Variants in SLC25A33 observed in about 807,000 individuals in gnomAD.
The protein encoded by SLC25A33 is bone marrow stromal cell mitochondrial carrier protein.
In SLC25A33, 15 loss-of-function variants were observed where a neutral mutation model predicts 35.5. The ratio of observed to expected loss-of-function variants is 0.42; its 90% CI spans 0.28 to 0.65. The LOEUF is 0.65. Among genes scored for constraint, SLC25A33 ranks in the 30% least tolerant of loss-of-function variants. SLC25A33 has a pLI of 0.20. For missense variants in SLC25A33, 257 were observed against 398.5 expected, an observed-to-expected ratio of 0.64 and a Z score of 3.02; for synonymous variants, 136 against 148.7, an observed-to-expected ratio of 0.91 and a Z score of 0.62.
At chr1:9,579,811 GA>G in intron 5 of SLC25A33, 142 bp from the exon 6 acceptor site, 1 of 1,005,996 alleles carries the variant, frequency 9.9e-7, no homozygotes, top group Non-Finnish European at 1.4e-6. Flanking sequence ...CATAACGAAA[GA>G]CAAGGGCTAT....
chr1:9,542,733 C>A (rs1643104733), intron 1 of SLC25A33, among the ~76,000 whole-genome samples: 1 of 152,174 alleles, frequency 6.6e-6, no homozygotes, highest in African/African-American at 2.4e-5. Context: ...TATTGCATAG[C>A]CATTGGAAAC....
intron 1 of SLC25A33, among the ~76,000 whole-genome samples, chr1:9,551,028 A>G (rs1569847370): frequency 6.6e-6 from 1 of 152,110 alleles, no homozygotes. Flanking sequence ...TTCTTTAGAT[A>G]TATTCTAGTG....
chr1:9,552,579 T>G (rs1211316832), intron 1 of SLC25A33, among the ~76,000 whole-genome samples: 5 of 152,118 alleles, frequency 3.3e-5, no homozygotes, highest in African/African-American at 1.2e-4. Flanking sequence ...GGAGTAAATA[T>G]TGATTTTCAA....
At chr1:9,567,477 T>A in intron 3 of SLC25A33, 116 bp downstream of exon 3, 1 of 901,894 alleles carries the variant, frequency 1.1e-6, no homozygotes, top group Non-Finnish European at 1.7e-6. Flanking sequence ...TGGATTTGCC[T>A]AAATATAGCG....
chr1:9,573,837 G>C (rs756559443), intron 5 of SLC25A33, among the ~76,000 whole-genome samples: 2 of 152,158 alleles, frequency 1.3e-5, no homozygotes, highest in African/African-American at 2.4e-5. Context: ...AAGGCCCTCA[G>C]CTGTAATAGG....
At chr1:9,545,832 G>A (rs549422959) in intron 1 of SLC25A33, among the ~76,000 whole-genome samples, 37 of 151,768 alleles carry the variant, frequency 2.4e-4, no homozygotes, top group Middle Eastern at 3.4e-3. Flanking sequence ...GCATGGTGGC[G>A]CAGGCCTGTA....
Position 9,539,771 on chromosome 1 carries a change from C to T in SLC25A33, c.56+24C>T, listed in dbSNP as rs1001159370. On this transcript the variant is annotated intron_variant, in intron 1 of 6. Transcript: ENST00000302692. The stretch of plus-strand genomic sequence containing the variant: ...GGGTGAGTTCCCGGGCCCAGCCGCG[C>T]GCGCCCCACCGCCTGCGGTCCCCTC... 8 of 1,352,296 alleles carry T rather than the reference C, an allele frequency of 5.9e-6. No individual in the cohort carries two copies. In the Middle Eastern group the frequency reaches 8.2e-4, roughly 139 times the overall value. 83.8% of individuals were successfully genotyped at this position (1,352,296 alleles called of 1,614,324 possible). A position where few individuals can be genotyped will look rare whatever the true frequency, so the allele number is the denominator to read the frequency against.
At chr1:9,570,653 G>T (rs192449460) in intron 4 of SLC25A33, among the ~76,000 whole-genome samples, 193 of 148,082 alleles carry the variant, frequency 1.3e-3, no homozygotes, top group African/African-American at 4.7e-3. Flanking sequence ...TCTTCTGTTT[G>T]CCCATCAAAT....
chr1:9,579,225 G>A (rs1466196624), intron 5 of SLC25A33, among the ~76,000 whole-genome samples: 25 of 152,166 alleles, frequency 1.6e-4, no homozygotes, highest in Admixed American at 1.6e-3. Flanking sequence ...ACACCAAACA[G>A]CGGACACCAG....
intron 4 of SLC25A33, among the ~76,000 whole-genome samples, chr1:9,572,350 G>A (rs903184998): frequency 3.3e-5 from 5 of 152,136 alleles, no homozygotes; most frequent in South Asian, 2.1e-4. Context: ...GGTGGCTCAC[G>A]CCTGTAATCC....
intron 2 of SLC25A33, among the ~76,000 whole-genome samples, chr1:9,559,092 T>G (rs1025878299): frequency 4.6e-5 from 7 of 152,240 alleles, no homozygotes; most frequent in Non-Finnish European, 2.9e-5. Flanking sequence ...TGACGTCCGC[T>G]GTCATCACCT....
Position 9,582,501 on chromosome 1 carries a change from A to T in SLC25A33, c.966A>T (p.Ter322TyrextTer25). Residue 322 changes from the stop codon to tyrosine, a stop_lost, in exon 7 of 7, where the codon TAA (stop) becomes TAT (tyrosine). Transcript: ENST00000302692. The surrounding 1 kb of genome is among the most constrained non-coding windows in gnomAD (Gnocchi z 4.0). ...IVYLLEDRTQ[*>Y] ...ACCTGTTAGAAGACCGTACTCAGTA[A>T]CAGGCCGGAAAATTGTGCTCTAGAA... 6.2e-7 allele frequency: 1 copy of T among 1,609,414 alleles called. No individual in the cohort carries two copies. Among genetic ancestry groups the T allele is most frequent in the Non-Finnish European group, 8.5e-7 (1 of 1,177,008 alleles).
intron 2 of SLC25A33, chr1:9,556,352 C>G: frequency 1.5e-6 from 1 of 675,822 alleles, no homozygotes; most frequent in Non-Finnish European, 1.8e-6. Context: ...GAACTGTTAC[C>G]CAAAAGTGTG....
chr1:9,570,195 C>A, intron 3 of SLC25A33, 63 bp from the exon 4 acceptor site: 1 of 1,442,420 alleles, frequency 6.9e-7, no homozygotes, highest in Non-Finnish European at 9.6e-7. Context: ...TTCAGGTGTT[C>A]TGGAGGGACG....
chr1:9,582,610 A>C lies in SLC25A33; in HGVS notation c.*109A>C. 1 of 1,068,640 alleles carries C rather than the reference A, an allele frequency of 9.4e-7. No homozygotes were observed. Among genetic ancestry groups the C allele is most frequent in the Non-Finnish European group, 1.3e-6 (1 of 746,932 alleles). The allele number at this position is 1,068,640 out of a possible 1,614,324, so 66.2% of individuals were successfully genotyped here. On this transcript the variant is annotated 3_prime_UTR_variant, in exon 7 of 7. Coordinates refer to ENST00000302692, the MANE Select transcript of SLC25A33 (RefSeq NM_032315.3). This position sits in a 1 kb window ranked among gnomAD's most constrained non-coding sequence, Gnocchi z 4.0. ...AGACTGAAACAGGAAAGGCCATAAA[A>C]TATCTGGTTCATATCACCTGTTGGA...
rs1366540695 is a variant in SLC25A33, at chr1:9,539,557, C to CCG, written c.-127_-126dup. ...GCCGAGCAGAGCCGGGCGTTGGAGC[C>CCG]CGCGCGCGCATGGAGGCGTTGCCGG... On this transcript the variant is annotated 5_prime_UTR_variant, in exon 1 of 7. Coordinates refer to ENST00000302692, the MANE Select transcript of SLC25A33 (RefSeq NM_032315.3). 3.5e-6 allele frequency: 2 copies of CCG among 567,990 alleles called. No homozygotes were observed. Among genetic ancestry groups the CCG allele is most frequent in the Admixed American group, 1.0e-4 (2 of 20,060 alleles). The allele number at this position is 567,990 out of a possible 1,614,324, so 35.2% of individuals were successfully genotyped here. A position where few individuals can be genotyped will look rare whatever the true frequency, so the allele number is the denominator to read the frequency against.
At chr1:9,541,158 CTTT>C (rs1254595690) in intron 1 of SLC25A33, among the ~76,000 whole-genome samples, 1 of 133,076 alleles carries the variant, frequency 7.5e-6, no homozygotes, top group African/African-American at 2.8e-5. Context: ...TTTTTTTTTT[CTTT>C]TTTTTTTTTT....
chr1:9,582,318 C>T lies in SLC25A33; in HGVS notation c.783C>T (p.Leu261=). The change falls in exon 7 of 7, where the codon CTC becomes CTT. Residue 261 remains leucine, a synonymous_variant. Coordinates refer to ENST00000302692, the MANE Select transcript of SLC25A33 (RefSeq NM_032315.3). This position sits in a 1 kb window ranked among gnomAD's most constrained non-coding sequence, Gnocchi z 4.0. The part of the protein sequence containing the change: ...AYPHEVIRTR[L]REEGTKYKSF... ...CTGCAGAAGTCATAAGGACGAGGCT[C>T]CGGGAAGAGGGCACCAAGTACAAGT... 6.2e-7 allele frequency: 1 copy of T among 1,613,914 alleles called. No homozygotes were observed. Among genetic ancestry groups the T allele is most frequent in the South Asian group, 1.1e-5 (1 of 91,076 alleles).
chr1:9,553,703 C>A lies in SLC25A33; in HGVS notation c.134C>A (p.Ala45Asp). 1 of 1,614,184 alleles carries A rather than the reference C, an allele frequency of 6.2e-7. No individual in the cohort carries two copies. The highest frequency in any genetic ancestry group is 8.5e-7 in the Non-Finnish European group (1 of 1,180,032). The stretch of plus-strand genomic sequence containing the variant: ...ACACGGTTGCAGTCTTCAAGATTAG[C>A]TCTCCGGACAGTCTACTATCCTCAG... ...IKTRLQSSRLALRTVYYPQVH... is the reference protein window; with the variant it reads ...IKTRLQSSRLDLRTVYYPQVH... The change falls in exon 2 of 7, where the codon GCT becomes GAT. Residue 45 changes from alanine to aspartate, a missense_variant. Physicochemically the swap from Ala to Asp is moderately radical, Grantham distance 126. Coordinates refer to ENST00000302692, the MANE Select transcript of SLC25A33 (RefSeq NM_032315.3).
Sources: gnomAD v4.1 joint callset for allele counts (sites outside exome capture counted in the v4.1 genomes callset) on GRCh38, gnomAD v4.1.1 for gene constraint, Gnocchi (gnomAD v3.1) non-coding constraint, MANE v1.5 for transcripts, NCBI Gene and HGNC (gene_info 2026-07-23, HGNC 2026-07-21) for gene names.